Variants in SND1 observed in about 807,000 individuals in gnomAD.
SND1 encodes staphylococcal nuclease domain-containing protein 1.
A neutral mutation model predicts 121.7 loss-of-function variants in SND1; 38 were observed. That is an observed-to-expected ratio of 0.31 (90% confidence interval 0.24 to 0.41). SND1 has a LOEUF of 0.41. Among genes scored for constraint, SND1 ranks in the 10% least tolerant of loss-of-function variants. SND1 has a pLI of 1.00. For synonymous variants in SND1, 401 were observed against 447.4 expected, an observed-to-expected ratio of 0.90 and a Z score of 1.31; for missense variants, 868 against 1,184.6, an observed-to-expected ratio of 0.73 and a Z score of 3.92.
intron 11 of SND1, among the ~76,000 whole-genome samples, chr7:127,837,283 T>A (rs1363886521): frequency 6.6e-6 from 1 of 152,230 alleles, no homozygotes; most frequent in Non-Finnish European, 1.5e-5. Context: ...CAAATTGAGA[T>A]GTTTGTAAAG....
chr7:128,022,369 T>C (rs1296622823), intron 16 of SND1, among the ~76,000 whole-genome samples: 1 of 152,200 alleles, frequency 6.6e-6, no homozygotes, highest in Non-Finnish European at 1.5e-5. Flanking sequence ...AGTACTATCT[T>C]GGTCCGTCTA....
chr7:127,935,800 G>A (rs1801049117), intron 15 of SND1, among the ~76,000 whole-genome samples: 1 of 152,210 alleles, frequency 6.6e-6, no homozygotes, highest in Admixed American at 6.5e-5. Flanking sequence ...TCTCTTTGCA[G>A]TAAGGAGGGG....
At chr7:128,009,655 A>T (rs534691613) in intron 16 of SND1, among the ~76,000 whole-genome samples, 2 of 152,242 alleles carry the variant, frequency 1.3e-5, no homozygotes, top group African/African-American at 4.8e-5. Context: ...ATTAGACAGC[A>T]TAGGACTCTA....
chr7:127,734,211 C>G (rs1796732665), intron 10 of SND1, among the ~76,000 whole-genome samples: 1 of 152,088 alleles, frequency 6.6e-6, no homozygotes, highest in Admixed American at 6.5e-5. Context: ...GCTAAGCAGA[C>G]ATGTCCCTCT....
At chr7:128,068,470 C>T (rs149955859) in intron 16 of SND1, among the ~76,000 whole-genome samples, 1 of 152,268 alleles carries the variant, frequency 6.6e-6, no homozygotes, top group Non-Finnish European at 1.5e-5. Flanking sequence ...AGGACTTGGT[C>T]CCCACTGCCT....
intron 10 of SND1, among the ~76,000 whole-genome samples, chr7:127,725,720 A>T (rs1796569874): frequency 6.6e-6 from 1 of 152,152 alleles, no homozygotes; most frequent in Non-Finnish European, 1.5e-5. Flanking sequence ...TAACCTGAAA[A>T]CTTACGGTAC....
intron 12 of SND1, 51 bp from the exon 13 acceptor site, chr7:127,887,851 T>A: frequency 1.7e-6 from 2 of 1,209,314 alleles, no homozygotes; most frequent in East Asian, 4.7e-5. Flanking sequence ...TTCTGTTGAC[T>A]GAGCCCCATA....
chr7:127,654,835 C>G (rs554532011), intron 1 of SND1, among the ~76,000 whole-genome samples: 50 of 152,222 alleles, frequency 3.3e-4, no homozygotes, highest in African/African-American at 1.2e-3. Flanking sequence ...CAGATTTGTG[C>G]CAGGTTTAGA....
At chr7:127,783,011 C>G (rs190639492) in intron 10 of SND1, among the ~76,000 whole-genome samples, 89 of 152,328 alleles carry the variant, frequency 5.8e-4, no homozygotes, top group African/African-American at 2.0e-3. Flanking sequence ...AGCAAACATG[C>G]TGCAGGAGAA....
chr7:127,809,196 G>A (rs567586361), intron 11 of SND1, among the ~76,000 whole-genome samples: 2 of 152,312 alleles, frequency 1.3e-5, no homozygotes, highest in African/African-American at 4.8e-5. Flanking sequence ...CAGATATGGA[G>A]TCAATTCTTA....
intron 1 of SND1, among the ~76,000 whole-genome samples, chr7:127,685,024 A>G (rs1795789028): frequency 6.6e-6 from 1 of 152,098 alleles, no homozygotes; most frequent in African/African-American, 2.4e-5. Context: ...TGGTCAGGGT[A>G]ATGGTGGGGT....
chr7:127,952,842 T>C (rs1801493610), intron 15 of SND1, among the ~76,000 whole-genome samples: 1 of 152,182 alleles, frequency 6.6e-6, no homozygotes, highest in Admixed American at 6.5e-5. Flanking sequence ...TGTGGGTGAC[T>C]GTAGCACAAG....
At chr7:127,949,548 G>T (rs561036498) in intron 15 of SND1, among the ~76,000 whole-genome samples, 74 of 152,302 alleles carry the variant, frequency 4.9e-4, no homozygotes, top group African/African-American at 1.7e-3. Context: ...TTCTTTTGTT[G>T]TTTTTTGTTT....
chr7:128,062,419 A>G (rs868289678), intron 16 of SND1, among the ~76,000 whole-genome samples: 3 of 152,204 alleles, frequency 2.0e-5, no homozygotes, highest in Non-Finnish European at 4.4e-5. Context: ...AGAAGGGGCA[A>G]GGGAGTCCCT....
intron 22 of SND1, 68 bp downstream of exon 22, chr7:128,089,760 A>C: frequency 1.4e-6 from 2 of 1,399,060 alleles, no homozygotes; most frequent in Non-Finnish European, 2.0e-6. Flanking sequence ...ACTGTTCCAC[A>C]AGCCAGGAAG....
At chr7:127,909,373 A>G (rs537596163) in intron 14 of SND1, among the ~76,000 whole-genome samples, 1 of 151,820 alleles carries the variant, frequency 6.6e-6, no homozygotes, top group Non-Finnish European at 1.5e-5. Flanking sequence ...GCTTGGTTTC[A>G]TGCTCATGTC....
chr7:127,812,111 C>G (rs975436912), intron 11 of SND1, among the ~76,000 whole-genome samples: 1 of 152,154 alleles, frequency 6.6e-6, no homozygotes, highest in Non-Finnish European at 1.5e-5. Context: ...TACTCAGATG[C>G]CAATGCTTTT....
intron 10 of SND1, among the ~76,000 whole-genome samples, chr7:127,792,260 G>A (rs116448572): frequency 0.013 from 1,918 of 152,204 alleles, 52 homozygotes; most frequent in African/African-American, 0.044. Context: ...GGTGTGTGGG[G>A]GCAGGCAGGG....
intron 14 of SND1, among the ~76,000 whole-genome samples, chr7:127,905,973 T>G (rs994716392): frequency 2.0e-5 from 3 of 152,156 alleles, no homozygotes; most frequent in Admixed American, 2.0e-4. Context: ...TGCCCAGGCC[T>G]GGTGGAGGCT....
Sources: allele counts gnomAD v4.1 joint callset (sites outside exome capture counted in the v4.1 genomes callset), GRCh38; gene constraint gnomAD v4.1.1; transcripts MANE v1.5; gene names NCBI Gene and HGNC (gene_info 2026-07-23, HGNC 2026-07-21).